Variants in JPT2 observed in about 807,000 individuals in gnomAD.
The protein encoded by JPT2 is Jupiter microtubule associated homolog 2, also known as CRAMP_1 like.
A neutral mutation model predicts 15.9 loss-of-function variants in JPT2; 9 were observed. The ratio of observed to expected loss-of-function variants is 0.57; its 90% CI spans 0.34 to 0.99. JPT2 has a LOEUF of 0.99. Among genes scored for constraint, JPT2 ranks in the 50% least tolerant of loss-of-function variants. JPT2 has a pLI of 0.02. For synonymous variants in JPT2, 95 were observed against 91.7 expected, an observed-to-expected ratio of 1.04 and a Z score of -0.21; for missense variants, 267 against 252.1, an observed-to-expected ratio of 1.06 and a Z score of -0.40.
At chr16:1,685,208 A>G (rs572114472) in intron 1 of JPT2, among the ~76,000 whole-genome samples, 2 of 151,948 alleles carry the variant, frequency 1.3e-5, no homozygotes, top group African/African-American at 4.8e-5. Flanking sequence ...GGTGCCTGTA[A>G]TCCCAGCTAC....
At chr16:1,678,417 A>T (rs1221972814) in intron 1 of JPT2, 61 bp downstream of exon 1, 7 of 1,041,060 alleles carry the variant, frequency 6.7e-6, no homozygotes, top group Admixed American at 5.1e-5. Context: ...GGAGCGGGCC[A>T]GCCCAGGGCG....
Position 1,698,790 on chromosome 16 carries a change from T to C in JPT2, c.386-21T>C. 6.2e-7 allele frequency: 1 copy of C among 1,601,644 alleles called. No individual in the cohort carries two copies. Among genetic ancestry groups the C allele is most frequent in the Non-Finnish European group, 8.5e-7 (1 of 1,174,696 alleles). ...ATGGGTTGCCTCTAATGGGATGTTG[T>C]TCTAACTTTGTGTCCCACAGCTGCA... On this transcript the variant is annotated intron_variant, in intron 4 of 4. Coordinates refer to ENST00000248098, the MANE Select transcript of JPT2 (RefSeq NM_144570.3). This position sits in a 1 kb window ranked among gnomAD's most constrained non-coding sequence, Gnocchi z 4.9.
At chr16:1,678,649 C>T (rs1437220474) in intron 1 of JPT2, among the ~76,000 whole-genome samples, 1 of 152,116 alleles carries the variant, frequency 6.6e-6, no homozygotes, top group African/African-American at 2.4e-5. Context: ...GGGCGGGCTG[C>T]GCTCCCTCGC....
chr16:1,697,206 G>C (rs897575078), intron 3 of JPT2, among the ~76,000 whole-genome samples: 4 of 152,168 alleles, frequency 2.6e-5, no homozygotes, highest in Admixed American at 2.6e-4. Context: ...GAAATATTAT[G>C]CCAGTATTTA....
At chr16:1,702,272 C>T (rs866137674), downstream of JPT2, 1 of 428,948 alleles carries the variant, frequency 2.3e-6, no homozygotes, top group Non-Finnish European at 4.7e-6. Context: ...AACCAACATG[C>T]ATTAACTGAA....
In JPT2 at chr16:1,699,167, C is replaced by A. The variant is rs2037164431; in HGVS notation, c.*169C>A. On this transcript the variant is annotated 3_prime_UTR_variant, in exon 5 of 5. Transcript: ENST00000248098. ...ATGACAGCTGCTTGGAGACCCGTGC[C>A]TTCCAGATGGCTGGGAGATGCCTCT... 2.7e-6 allele frequency: 2 copies of A among 746,680 alleles called. No homozygotes were observed. Among genetic ancestry groups the A allele is most frequent in the Non-Finnish European group, 4.7e-6 (2 of 425,998 alleles). 46.3% of individuals were successfully genotyped at this position (746,680 alleles called of 1,614,324 possible).
Position 1,701,837 on chromosome 16 carries a change from G to T in JPT2, c.*2839G>T. ...GGATCACTTGAGCTCAGGAGTTTGA[G>T]ACCAGCCTAGACAACATACTACGAC... is the stretch of plus-strand genomic sequence containing the variant. On this transcript the variant is annotated 3_prime_UTR_variant, in exon 5 of 5. Coordinates refer to ENST00000248098, the MANE Select transcript of JPT2 (RefSeq NM_144570.3). 1 of 207,152 alleles carries T rather than the reference G, an allele frequency of 4.8e-6. No individual in the cohort carries two copies. The highest frequency in any genetic ancestry group is 1.0e-5 in the Non-Finnish European group (1 of 97,220). 12.8% of individuals were successfully genotyped at this position (207,152 alleles called of 1,614,324 possible). A position where few individuals can be genotyped will look rare whatever the true frequency, so the allele number is the denominator to read the frequency against.
At chr16:1,688,286 C>T (rs368819773) in intron 2 of JPT2, 1 of 152,066 alleles carries the variant, frequency 6.6e-6, no homozygotes, top group African/African-American at 2.4e-5. Flanking sequence ...AGAACTAGTC[C>T]GTAGCAGAGC....
chr16:1,681,122 T>C (rs887275231), intron 1 of JPT2, among the ~76,000 whole-genome samples: 5 of 152,344 alleles, frequency 3.3e-5, no homozygotes, highest in Middle Eastern at 3.4e-3. Flanking sequence ...AGCTCTAGCG[T>C]TCCCCCTCCC....
chr16:1,683,221 C>T (rs1279416869), intron 1 of JPT2, among the ~76,000 whole-genome samples: 9 of 152,150 alleles, frequency 5.9e-5, no homozygotes, highest in Admixed American at 5.2e-4. Flanking sequence ...CGTGATCCGC[C>T]CACCTCGGCC....
rs565864963 is a variant in JPT2, at chr16:1,701,443, TTG to T, written c.*2453_*2454del. 6 of 152,386 alleles carry T rather than the reference TTG, an allele frequency of 3.9e-5. No individual in the cohort carries two copies. Among genetic ancestry groups the T allele is most frequent in the East Asian group, 3.9e-4 (2 of 5,192 alleles). The allele number at this position is 152,386 out of a possible 1,614,324, so 9.4% of individuals were successfully genotyped here. ...CGTGCTCAGAGCTTTTGCCTGTCAG[TTG>T]TGTGTGTCCCTTATAGTCCCTTCCC... On this transcript the variant is annotated 3_prime_UTR_variant, in exon 5 of 5. Coordinates refer to ENST00000248098, the MANE Select transcript of JPT2 (RefSeq NM_144570.3).
intron 1 of JPT2, among the ~76,000 whole-genome samples, chr16:1,683,929 A>C (rs1352759237): frequency 6.6e-6 from 1 of 152,172 alleles, no homozygotes; most frequent in South Asian, 2.1e-4. Flanking sequence ...CAGGATGCCA[A>C]AATCCAAGGA....
At chr16:1,685,987 C>G (rs145164757) in intron 2 of JPT2, 164 of 179,016 alleles carry the variant, frequency 9.2e-4, no homozygotes, top group African/African-American at 3.8e-3. Flanking sequence ...GATTGAAACT[C>G]TTAACAAGGA....
chr16:1,696,311 G>A (rs979786511), intron 3 of JPT2, among the ~76,000 whole-genome samples: 5 of 151,934 alleles, frequency 3.3e-5, no homozygotes, highest in African/African-American at 7.3e-5. Context: ...TGAGGCAGGC[G>A]GATCACGAGG....
intron 1 of JPT2, among the ~76,000 whole-genome samples, chr16:1,684,928 A>T (rs920016297): frequency 2.6e-5 from 4 of 151,326 alleles, no homozygotes; most frequent in Non-Finnish European, 5.9e-5. Flanking sequence ...AAAAAAAAAG[A>T]ATACTTTTAA....
chr16:1,696,344 A>T (rs1028717730), intron 3 of JPT2, among the ~76,000 whole-genome samples: 7 of 152,124 alleles, frequency 4.6e-5, no homozygotes, highest in African/African-American at 1.7e-4. Context: ...CATCCTGGCT[A>T]ACATGGTGAA....
At chr16:1,685,732 C>A in intron 2 of JPT2, 145 bp downstream of exon 2, 1 of 837,734 alleles carries the variant, frequency 1.2e-6, no homozygotes, top group Non-Finnish European at 1.8e-6. Context: ...TGAAAACGTT[C>A]TGATTTGTAC....
intron 3 of JPT2, among the ~76,000 whole-genome samples, chr16:1,694,123 G>C (rs2037124181): frequency 6.6e-6 from 1 of 152,182 alleles, no homozygotes; most frequent in African/African-American, 2.4e-5. Flanking sequence ...AAGTTTCTGG[G>C]ATGTAAGTGA....
rs150128923 is a variant in JPT2, at chr16:1,687,550, C to A, written c.193+1963C>A. Among the ~76,000 whole-genome samples the A allele has an allele frequency of 7.9e-5, 12 of 152,280 alleles. No homozygotes were observed. In the East Asian group the frequency reaches 2.3e-3, roughly 29 times the overall value. On this transcript the variant is annotated intron_variant, in intron 2 of 4. Transcript: ENST00000248098. ...CAGCAGAGTCATGTCTGGAGCTGTT[C>A]CTAGAGCACTCCATGGAAGGCAGGC... is the stretch of plus-strand genomic sequence containing the variant.
Sources: allele counts gnomAD v4.1 joint callset (sites outside exome capture counted in the v4.1 genomes callset), GRCh38; gene constraint gnomAD v4.1.1; non-coding constraint Gnocchi (gnomAD v3.1); transcripts MANE v1.5; gene names NCBI Gene and HGNC (gene_info 2026-07-23, HGNC 2026-07-21).